Variants in GTPBP3 observed in about 807,000 individuals in gnomAD.
GTPBP3 encodes the protein GTP binding protein 3, mitochondrial.
In GTPBP3, 35 loss-of-function variants were observed where a neutral mutation model predicts 42.0. The observed-to-expected ratio is 0.83, with a 90% CI of 0.64 to 1.10. The LOEUF (loss-of-function observed/expected upper bound fraction) is 1.10, where lower values mean the gene tolerates loss of function less well. Ranked by LOEUF, GTPBP3 falls within the 50% of genes least tolerant of loss-of-function variation. The probability of loss-of-function intolerance (pLI) is 0.00; values close to 1 mark genes in which losing one functional copy is unlikely to be tolerated. For synonymous variants in GTPBP3, 332 were observed against 314.9 expected (o/e 1.05, Z -0.58); for missense variants, 691 against 685.2 (o/e 1.01, Z -0.09).
rs2074387384 is a variant in GTPBP3, at chr19:17,338,235, C to T, written c.281C>T (p.Ala94Val). ...DPRSGEPLDR[A>V]LVLWFPGPQS... Reference sequence around the variant, plus strand: ...CGCTCCGGGGAGCCTCTGGACCGCGCACTGGTGCTCTGGTTCCCAGGTGAG... The same window carrying T: ...CGCTCCGGGGAGCCTCTGGACCGCGTACTGGTGCTCTGGTTCCCAGGTGAG... The change falls in exon 2 of 9, where the codon GCA becomes GTA. Residue 94 changes from alanine to valine, a missense_variant. By Grantham distance (64) the Ala-to-Val change is moderately conservative. Transcript: ENST00000324894. The T allele has an allele frequency of 6.3e-7, 1 of 1,586,130 alleles. No individual in the cohort carries two copies. Among genetic ancestry groups the T allele is most frequent in the Non-Finnish European group, 8.5e-7 (1 of 1,171,140 alleles).
rs1221957683 is a variant in GTPBP3, at chr19:17,340,745, G to A, written c.975-299G>A. ...TGCTGTGCCCCGCCCCTCCTGCCCT[G>A]CCCTACTCACTGCACTGTGCCCAGC... On this transcript the variant is annotated intron_variant, in intron 7 of 8. Transcript: ENST00000324894. 3.6e-5 allele frequency among the ~76,000 whole-genome samples: 4 copies of A among 112,464 alleles called. No homozygotes were observed. The Admixed American group carries it at 4.4e-4, about 12-fold the overall frequency. 73.8% of individuals were successfully genotyped at this position (112,464 alleles called of 152,430 possible).
At chr19:17,338,901 G>A in intron 4 of GTPBP3, 53 bp from the exon 5 acceptor site, 1 of 1,551,754 alleles carries the variant, frequency 6.4e-7, no homozygotes, top group Non-Finnish European at 8.7e-7. Context: ...ATTGGGTGTG[G>A]GAAGGTGGGT....
intron 1 of GTPBP3, 144 bp downstream of exon 1, chr19:17,337,808 C>A: frequency 8.1e-7 from 1 of 1,230,504 alleles, no homozygotes; most frequent in East Asian, 2.6e-5. Flanking sequence ...ACCCTTGCGG[C>A]AGAGCCCATA....
chr19:17,335,249 C>T (rs928695347), upstream of GTPBP3: 5 of 1,370,056 alleles, frequency 3.6e-6, no homozygotes, highest in Non-Finnish European at 4.9e-6. Flanking sequence ...AGGAACTTTG[C>T]ACGCACCATT....
upstream of GTPBP3, chr19:17,337,475 A>G (rs918186939): frequency 4.0e-5 from 50 of 1,253,174 alleles, no homozygotes; most frequent in East Asian, 2.5e-4. Context: ...GGTGGGCAGG[A>G]CGTATCCTAA....
Position 17,341,519 on chromosome 19 carries a change from C to T in GTPBP3, c.1295C>T (p.Ala432Val). ...ACAGATCCCCCGCTGCTGACCCGAG[C>T]AAGGCACCAGCACCACCTCCAGGGT... ...PSTDPPLLTR[A>V]RHQHHLQGCL... The change falls in exon 9 of 9, where the codon GCA becomes GTA. Residue 432 changes from alanine to valine, a missense_variant. Transcript: ENST00000324894. 6.2e-7 allele frequency: 1 copy of T among 1,613,544 alleles called. No individual in the cohort carries two copies. The highest frequency in any genetic ancestry group is 8.5e-7 in the Non-Finnish European group (1 of 1,179,798).
chr19:17,337,891 T>A, intron 1 of GTPBP3, 117 bp from the exon 2 acceptor site: 6 of 1,301,734 alleles, frequency 4.6e-6, no homozygotes, highest in Non-Finnish European at 6.3e-6. Context: ...AATTTGTGCA[T>A]CCCCCAGCCG....
At chr19:17,338,781 C>T (rs1339304095) in intron 4 of GTPBP3, 40 bp downstream of exon 4, 2 of 1,577,016 alleles carry the variant, frequency 1.3e-6, no homozygotes, top group African/African-American at 1.3e-5. Context: ...TCAGAGACCC[C>T]ATCTGTGCAA....
chr19:17,341,732 G>A lies in GTPBP3; in HGVS notation c.*29G>A, dbSNP rs1418014844. The stretch of plus-strand genomic sequence containing the variant: ...GATCCAGGGAAGTCGCACCCAAGCT[G>A]CGTGGAGACCCAGGAGCCTCGGGGG... On this transcript the variant is annotated 3_prime_UTR_variant, in exon 9 of 9. Transcript: ENST00000324894. The A allele has an allele frequency of 2.6e-6, 4 of 1,530,346 alleles. No individual in the cohort carries two copies. Among genetic ancestry groups the A allele is most frequent in the Non-Finnish European group, 3.5e-6 (4 of 1,131,938 alleles). 94.8% of individuals were successfully genotyped at this position (1,530,346 alleles called of 1,614,324 possible). A position where few individuals can be genotyped will look rare whatever the true frequency, so the allele number is the denominator to read the frequency against.
intron 1 of GTPBP3, 66 bp from the exon 2 acceptor site, chr19:17,337,942 C>T (rs1311390010): frequency 6.4e-7 from 1 of 1,562,722 alleles, no homozygotes; most frequent in East Asian, 2.3e-5. Flanking sequence ...TCATCGAGCC[C>T]TCGGTCTACT....
In GTPBP3 at chr19:17,339,043, G is replaced by A. The variant is rs780173916; in HGVS notation, c.664+17G>A. The A allele has an allele frequency of 1.2e-6, 2 of 1,614,194 alleles. No homozygotes were observed. Among genetic ancestry groups the A allele is most frequent in the East Asian group, 4.5e-5 (2 of 44,882 alleles). Reference sequence around the variant, plus strand: ...TGGAGCAAGGTGGGTCTACCTGGTGGTGGGGGAGGAAGACACCTCATATCA... The same window carrying A: ...TGGAGCAAGGTGGGTCTACCTGGTGATGGGGGAGGAAGACACCTCATATCA... On this transcript the variant is annotated intron_variant, in intron 5 of 8. Transcript: ENST00000324894.
rs376463458 is a variant in GTPBP3, at chr19:17,337,712, C to T, written c.53+48C>T. ...GCGACAGCTTGGGGTGCTGCTTGGA[C>T]CCCAGACCCACTCCCTGGGTTTTAG... On this transcript the variant is annotated intron_variant, in intron 1 of 8. Transcript: ENST00000324894. 1.2e-4 allele frequency: 169 copies of T among 1,407,196 alleles called. 2 individuals are homozygous for T. The African/African-American group carries it at 1.9e-3, about 16-fold the overall frequency. 87.2% of individuals were successfully genotyped at this position (1,407,196 alleles called of 1,614,324 possible).
Position 17,339,450 on chromosome 19 carries a change from C to T in GTPBP3, c.825C>T (p.Ser275=). ...LVNLLSRKPV[S]IVSPEPGTTR... is the part of the protein sequence containing the mutation. Reference sequence around the variant, plus strand: ...CTCCCCCAGGTCGGAAGCCTGTGTCCATCGTGTCCCCGGAGCCAGGGACCA... The same window carrying T: ...CTCCCCCAGGTCGGAAGCCTGTGTCTATCGTGTCCCCGGAGCCAGGGACCA... Residue 275 remains serine (S), a synonymous_variant, in exon 7 of 9, where the codon TCC becomes TCT. Transcript: ENST00000324894. 2 of 1,613,852 alleles carry T rather than the reference C, an allele frequency of 1.2e-6. No homozygotes were observed. Among genetic ancestry groups the T allele is most frequent in the Non-Finnish European group, 1.7e-6 (2 of 1,179,964 alleles).
At chr19:17,337,903 A>C in intron 1 of GTPBP3, 105 bp from the exon 2 acceptor site, 2 of 1,364,788 alleles carry the variant, frequency 1.5e-6, no homozygotes, top group Non-Finnish European at 2.0e-6. Context: ...CCCCAGCCGC[A>C]GAACCCCCCC....
Position 17,339,216 on chromosome 19 carries a change from T to C in GTPBP3, c.758T>C (p.Val253Ala), listed in dbSNP as rs987865664. ...AGGCTCCGCTCAGGGGTGCACGTAG[T>C]GGTCACTGGACCCCCCAATGCGGGC... is the stretch of plus-strand genomic sequence containing the variant. ...GQRLRSGVHVVVTGPPNAGKS... is the reference protein window; with the variant it reads ...GQRLRSGVHVAVTGPPNAGKS... The change falls in exon 6 of 9, where the codon GTG becomes GCG. Residue 253 changes from valine (V) to alanine (A), a missense_variant. Physicochemically the swap from Val to Ala is moderately conservative, Grantham distance 64 (BLOSUM62 0). Transcript: ENST00000324894. 1.2e-6 allele frequency: 2 copies of C among 1,612,412 alleles called. No homozygotes were observed. Among genetic ancestry groups the C allele is most frequent in the Non-Finnish European group, 1.7e-6 (2 of 1,179,878 alleles).
In GTPBP3 at chr19:17,341,036, T is replaced by G. The variant is rs1166507127; in HGVS notation, c.975-8T>G. On this transcript the variant is annotated splice_polypyrimidine_tract_variant and splice_region_variant and intron_variant, in intron 7 of 8. Transcript: ENST00000324894. ...GGGATCCCCGCTCAGTTGACCTTGC[T>G]CCCGCAGGCTAGAGCAGGCTGACCT... The G allele has an allele frequency of 6.2e-7, 1 of 1,609,520 alleles. No individual in the cohort carries two copies. The highest frequency in any genetic ancestry group is 8.5e-7 in the Non-Finnish European group (1 of 1,177,110).
Position 17,338,372 on chromosome 19 carries a change from G to C in GTPBP3, c.309G>C (p.Gln103His), listed in dbSNP as rs1201805173. The C allele has an allele frequency of 1.9e-6, 3 of 1,614,148 alleles. No homozygotes were observed. Among genetic ancestry groups the C allele is most frequent in the Admixed American group, 1.7e-5 (1 of 60,034 alleles). Residue 103 changes from glutamine to histidine, a missense_variant, in exon 3 of 9, where the codon CAG becomes CAC. Physicochemically the swap from Gln to His is conservative, Grantham distance 24. Coordinates refer to ENST00000324894, the MANE Select transcript of GTPBP3 (RefSeq NM_032620.4). ...ACCTGTCTGTCACATTAGGTCCCCA[G>C]AGTTTCACCGGTGAGGACTGCGTGG... The part of the protein sequence containing the change: ...RALVLWFPGP[Q>H]SFTGEDCVEF...
chr19:17,341,578 A>G lies in GTPBP3; in HGVS notation c.1354A>G (p.Lys452Glu). ...LDALGHYKQS[K>E]DLALAAEALR... ...TGCCCTCGGCCACTACAAGCAGTCA[A>G]AAGACCTGGCCCTGGCGGCAGAGGC... Residue 452 changes from lysine (K) to glutamate (E), a missense_variant, in exon 9 of 9, where the codon AAA (lysine) becomes GAA (glutamate). Transcript: ENST00000324894. 1.9e-6 allele frequency: 3 copies of G among 1,613,926 alleles called. No homozygotes were observed. The highest frequency in any genetic ancestry group is 2.5e-6 in the Non-Finnish European group (3 of 1,180,000).
chr19:17,337,490 C>G (rs959977141), upstream of GTPBP3: 2 of 1,263,000 alleles, frequency 1.6e-6, no homozygotes, highest in African/African-American at 1.5e-5. Flanking sequence ...TCCTAAGATA[C>G]CCAATGGTGG....
Sources: allele counts gnomAD v4.1 joint callset (sites outside exome capture counted in the v4.1 genomes callset), GRCh38; gene constraint gnomAD v4.1.1; transcripts MANE v1.5; gene names NCBI Gene and HGNC (gene_info 2026-07-23, HGNC 2026-07-21).